Variants in MDGA2 observed in about 807,000 individuals in gnomAD.
MDGA2 encodes the protein MAM domain containing glycosylphosphatidylinositol anchor 2, also known as MAM domain-containing glycosylphosphatidylinositol anchor protein 2.
MDGA2 carries 40 observed loss-of-function variants against 117.8 expected under a neutral mutation model. That is an observed-to-expected ratio of 0.34 (90% CI 0.26 to 0.44). MDGA2 has a LOEUF of 0.44. Ranked by LOEUF, MDGA2 falls within the 20% of genes least tolerant of loss-of-function variation. The pLI, the probability that MDGA2 is intolerant of heterozygous loss-of-function variation, is 1.00. For missense variants in MDGA2, 1,123 were observed against 1,250.6 expected (o/e 0.90, Z 1.54); for synonymous variants, 452 against 439.0 (o/e 1.03, Z -0.37).
At chr14:47,109,144 T>A (rs1248407042) in intron 5 of MDGA2, among the ~76,000 whole-genome samples, 1 of 152,154 alleles carries the variant, frequency 6.6e-6, no homozygotes, top group Non-Finnish European at 1.5e-5. Context: ...CCAACTGAAG[T>A]GTTTGTTGTC....
At chr14:46,923,123 C>T (rs769840937) in intron 9 of MDGA2, among the ~76,000 whole-genome samples, 2 of 152,060 alleles carry the variant, frequency 1.3e-5, no homozygotes, top group Non-Finnish European at 2.9e-5. Context: ...AATTTGTTTA[C>T]CAAGATCCAT....
chr14:46,842,781 C>G (rs891411908), intron 16 of MDGA2, among the ~76,000 whole-genome samples: 6 of 152,152 alleles, frequency 3.9e-5, no homozygotes, highest in African/African-American at 1.4e-4. Flanking sequence ...AAAATTGAGA[C>G]ATACAATCTT....
chr14:47,049,260 T>C (rs1889369580), intron 7 of MDGA2, among the ~76,000 whole-genome samples: 1 of 151,998 alleles, frequency 6.6e-6, no homozygotes, highest in Non-Finnish European at 1.5e-5. Flanking sequence ...ACAGATACAA[T>C]TCTTCCTTGA....
chr14:47,250,372 TTTAC>T (rs997917048), intron 2 of MDGA2, among the ~76,000 whole-genome samples: 15 of 152,232 alleles, frequency 9.9e-5, no homozygotes, highest in African/African-American at 3.6e-4. Context: ...TATTTGTTTG[TTTAC>T]TTACTTATTT....
At position 47,131,704 on chromosome 14, in the gene MDGA2, A is replaced by G; in HGVS notation, c.925+10T>C. The G allele has an allele frequency of 6.7e-7, 1 of 1,493,100 alleles. No individual in the cohort carries two copies. The allele number at this position is 1,493,100 out of a possible 1,614,324, so 92.5% of individuals were successfully genotyped here. Reference sequence around the variant, plus strand: ...TAAGATACATGTAACATACAGAGATAATTCCATACCTGTTTTATTGGACAG... The same window carrying G: ...TAAGATACATGTAACATACAGAGATGATTCCATACCTGTTTTATTGGACAG... On this transcript the variant is annotated intron_variant, in intron 5 of 16. Transcript: ENST00000399232.
chr14:47,271,072 T>C (rs1443272325), intron 2 of MDGA2, among the ~76,000 whole-genome samples: 2 of 152,140 alleles, frequency 1.3e-5, no homozygotes, highest in Non-Finnish European at 2.9e-5. Context: ...TGCTCTGCAG[T>C]AGAAAATGCA....
At chr14:46,849,420 T>A (rs764339567) in intron 15 of MDGA2, among the ~76,000 whole-genome samples, 7 of 151,922 alleles carry the variant, frequency 4.6e-5, no homozygotes, top group Non-Finnish European at 1.0e-4. Flanking sequence ...ACAATTATAT[T>A]TCTGAATTAC....
At chr14:46,847,572 G>A (rs1880890775) in intron 15 of MDGA2, among the ~76,000 whole-genome samples, 1 of 151,882 alleles carries the variant, frequency 6.6e-6, no homozygotes, top group South Asian at 2.1e-4. Flanking sequence ...AGTCTCAGAA[G>A]ACTTTTTAAC....
intron 1 of MDGA2, among the ~76,000 whole-genome samples, chr14:47,411,970 T>C: frequency 6.6e-6 from 1 of 152,198 alleles, no homozygotes; most frequent in South Asian, 2.1e-4. Flanking sequence ...TACTGCTGTC[T>C]TGCAAATTGG....
intron 1 of MDGA2, among the ~76,000 whole-genome samples, chr14:47,520,298 G>T (rs1247702957): frequency 6.6e-6 from 1 of 152,106 alleles, no homozygotes; most frequent in Non-Finnish European, 1.5e-5. Flanking sequence ...TACACTTTGA[G>T]AAATCAAGCT....
chr14:46,904,145 C>A (rs1220206852), intron 10 of MDGA2, among the ~76,000 whole-genome samples: 1 of 152,058 alleles, frequency 6.6e-6, no homozygotes, highest in Non-Finnish European at 1.5e-5. Flanking sequence ...TGGTGGATCA[C>A]TTGAGGTCAG....
intron 2 of MDGA2, among the ~76,000 whole-genome samples, chr14:47,258,732 AT>A (rs35854935): frequency 0.82 from 125,052 of 151,678 alleles, 51,863 homozygotes; most frequent in East Asian, 0.93. Context: ...GGATGAGGCT[AT>A]TTTTTTTTCT....
At chr14:47,112,310 G>A (rs1881086264) in intron 5 of MDGA2, among the ~76,000 whole-genome samples, 1 of 152,162 alleles carries the variant, frequency 6.6e-6, no homozygotes, top group Non-Finnish European at 1.5e-5. Flanking sequence ...AGGTAAACGT[G>A]TGCCATGGTG....
chr14:47,064,034 T>C (rs908068736), intron 6 of MDGA2, among the ~76,000 whole-genome samples: 12 of 152,104 alleles, frequency 7.9e-5, no homozygotes, highest in African/African-American at 2.9e-4. Flanking sequence ...GAAATCAGTA[T>C]CTGTATTATG....
At chr14:46,843,142 G>GAA (rs146641313) in intron 16 of MDGA2, among the ~76,000 whole-genome samples, 1 of 147,342 alleles carries the variant, frequency 6.8e-6, no homozygotes, top group Non-Finnish European at 1.5e-5. Flanking sequence ...TAGTTTAAGA[G>GAA]AAAAAAAAAA....
At position 46,939,324 on chromosome 14, in the gene MDGA2, T is replaced by G. The variant is rs187172378; in HGVS notation, c.2089+18050A>C. Among the ~76,000 whole-genome samples, 399 of 152,332 alleles carry G rather than the reference T, an allele frequency of 2.6e-3. 4 individuals are homozygous for G. Among genetic ancestry groups the G allele is most frequent in the African/African-American group, 9.1e-3 (379 of 41,582 alleles). On this transcript the variant is annotated intron_variant, in intron 9 of 16. Coordinates refer to ENST00000399232, the MANE Select transcript of MDGA2 (RefSeq NM_001113498.3). Reference sequence around the variant, plus strand: ...GAGATAGTAGATATGCTAATTACTATGATTTGATCACTACATATTGTATGT... The same window carrying G: ...GAGATAGTAGATATGCTAATTACTAGGATTTGATCACTACATATTGTATGT...
chr14:47,388,483 T>C (rs920471823), intron 1 of MDGA2, among the ~76,000 whole-genome samples: 1 of 152,176 alleles, frequency 6.6e-6, no homozygotes, highest in Non-Finnish European at 1.5e-5. Context: ...ACCTGAATGC[T>C]GTGTCTTCTG....
chr14:47,604,494 C>G (rs540908190), intron 1 of MDGA2, among the ~76,000 whole-genome samples: 4 of 130,780 alleles, frequency 3.1e-5, no homozygotes, highest in Admixed American at 7.7e-5. Context: ...CCCACCCCCC[C>G]CCACCCTCAC....
rs189830021 is a variant in MDGA2 at position 46,847,137 on chromosome 14, T to C, written c.2884-1266A>G. ...GCTCTCATAATATTATCAGTGGGAA[T>C]CTCCAGGTAGTAACCAGAGGCATCA... On this transcript the variant is annotated intron_variant, in intron 15 of 16. Coordinates refer to ENST00000399232, the MANE Select transcript of MDGA2 (RefSeq NM_001113498.3). Among the ~76,000 whole-genome samples, 372 of 152,154 alleles carry C rather than the reference T, an allele frequency of 2.4e-3. 2 individuals carry two copies. Among genetic ancestry groups the C allele is most frequent in the Admixed American group, 6.7e-3 (102 of 15,272 alleles).
Sources: gnomAD v4.1 joint callset for allele counts (sites outside exome capture counted in the v4.1 genomes callset) on GRCh38, gnomAD v4.1.1 for gene constraint, MANE v1.5 for transcripts, NCBI Gene and HGNC (gene_info 2026-07-23, HGNC 2026-07-21) for gene names.